The following FRMD4A variants were observed in gnomAD, a reference collection of about 807,000 sequenced individuals.
FRMD4A encodes the protein FERM domain-containing protein 4A.
Under a neutral mutation model 129.1 loss-of-function variants are expected in FRMD4A, and 29 were observed. That is an observed-to-expected ratio of 0.22 (90% CI 0.17 to 0.31). The LOEUF is 0.31. Ranked by LOEUF, FRMD4A falls within the 10% of genes least tolerant of loss-of-function variation. The pLI is 1.00. For synonymous variants in FRMD4A, 634 were observed against 571.6 expected (o/e 1.11, Z -1.56); for missense variants, 1,272 against 1,375.8 (o/e 0.92, Z 1.19).
chr10:13,881,252 T>TAA (rs3032918), intron 2 of FRMD4A, among the ~76,000 whole-genome samples: 25 of 120,300 alleles, frequency 2.1e-4, no homozygotes, highest in African/African-American at 7.0e-4. Context: ...CCCCCATCTC[T>TAA]AAAAAAAAAA....
At chr10:14,027,406 C>T (rs904430656) in intron 2 of FRMD4A, among the ~76,000 whole-genome samples, 6 of 152,100 alleles carry the variant, frequency 3.9e-5, no homozygotes, top group East Asian at 1.9e-4. Flanking sequence ...TTTGGGAGGC[C>T]GAGGCGGGTG....
chr10:14,146,727 A>T (rs1317055022), intron 2 of FRMD4A, among the ~76,000 whole-genome samples: 1 of 152,174 alleles, frequency 6.6e-6, no homozygotes, highest in East Asian at 1.9e-4. Flanking sequence ...CCTGTGCCAG[A>T]CTTTCTCCAA....
chr10:13,805,771 C>T (rs1377805508), intron 4 of FRMD4A, among the ~76,000 whole-genome samples: 1 of 152,066 alleles, frequency 6.6e-6, no homozygotes, highest in African/African-American at 2.4e-5. Flanking sequence ...TCACTGCAGT[C>T]TTGAACTCCT....
intron 8 of FRMD4A, among the ~76,000 whole-genome samples, chr10:13,750,765 G>A (rs1339480185): frequency 6.6e-6 from 1 of 152,180 alleles, no homozygotes; most frequent in African/African-American, 2.4e-5. Context: ...TTTGATCCAG[G>A]AGGCAGACAG....
chr10:13,923,174 C>T (rs111577045), intron 2 of FRMD4A, among the ~76,000 whole-genome samples: 2 of 152,302 alleles, frequency 1.3e-5, no homozygotes, highest in African/African-American at 4.8e-5. Context: ...ATTCAAAAAT[C>T]TCTGTCTCTT....
intron 2 of FRMD4A, among the ~76,000 whole-genome samples, chr10:14,021,126 G>T (rs1832725597): frequency 6.6e-6 from 1 of 152,086 alleles, no homozygotes; most frequent in Admixed American, 6.5e-5. Flanking sequence ...CATCTAGGAA[G>T]TGGTACCAAG....
chr10:14,168,502 G>A (rs1390130198), intron 2 of FRMD4A, among the ~76,000 whole-genome samples: 3 of 152,138 alleles, frequency 2.0e-5, no homozygotes, highest in African/African-American at 4.8e-5. Flanking sequence ...TGACCTCTTT[G>A]AGCACACTTG....
chr10:13,859,882 C>G (rs2094269773), intron 2 of FRMD4A, among the ~76,000 whole-genome samples: 1 of 152,134 alleles, frequency 6.6e-6, no homozygotes, highest in Admixed American at 6.5e-5. Flanking sequence ...CTGGGAGACC[C>G]AAGTCTAGTG....
intron 2 of FRMD4A, among the ~76,000 whole-genome samples, chr10:13,992,206 C>T (rs979942447): frequency 6.6e-6 from 1 of 152,238 alleles, no homozygotes; most frequent in African/African-American, 2.4e-5. Flanking sequence ...GCCTATAGCC[C>T]AGGCTATGCC....
chr10:14,245,967 C>T (rs1844221510), intron 2 of FRMD4A, among the ~76,000 whole-genome samples: 1 of 152,138 alleles, frequency 6.6e-6, no homozygotes, highest in Admixed American at 6.5e-5. Flanking sequence ...AAAGAGGACA[C>T]AGCAGCACAG....
At chr10:14,006,773 A>C (rs1343316815) in intron 2 of FRMD4A, among the ~76,000 whole-genome samples, 1 of 152,212 alleles carries the variant, frequency 6.6e-6, no homozygotes, top group African/African-American at 2.4e-5. Flanking sequence ...CAGCCTGATC[A>C]ATGTGTAAAT....
chr10:14,057,156 G>A (rs989430888), intron 2 of FRMD4A, among the ~76,000 whole-genome samples: 6 of 152,160 alleles, frequency 3.9e-5, no homozygotes, highest in African/African-American at 9.7e-5. Context: ...ATGGGTCAGC[G>A]GATGTTATGT....
intron 3 of FRMD4A, among the ~76,000 whole-genome samples, chr10:13,844,082 G>A (rs2094008472): frequency 6.6e-6 from 1 of 151,968 alleles, no homozygotes; most frequent in Admixed American, 6.6e-5. Flanking sequence ...ATGTAGGAGA[G>A]TGTGTGTGTG....
chr10:14,111,523 T>C (rs1837900928), intron 2 of FRMD4A, among the ~76,000 whole-genome samples: 1 of 152,156 alleles, frequency 6.6e-6, no homozygotes, highest in African/African-American at 2.4e-5. Flanking sequence ...TAGCTAAGCT[T>C]GCAGCACTAT....
chr10:14,113,831 T>C (rs1838057040), intron 2 of FRMD4A, among the ~76,000 whole-genome samples: 1 of 152,154 alleles, frequency 6.6e-6, no homozygotes, highest in Non-Finnish European at 1.5e-5. Context: ...CTCTTCTTTC[T>C]CCTCCTTCTC....
intron 15 of FRMD4A, among the ~76,000 whole-genome samples, chr10:13,681,330 T>A (rs2084563147): frequency 6.6e-6 from 1 of 152,146 alleles, no homozygotes; most frequent in Non-Finnish European, 1.5e-5. Flanking sequence ...ATTTGTAAAC[T>A]CAAAAGCTAA....
At chr10:13,738,141 G>A (rs1013680393) in intron 11 of FRMD4A, among the ~76,000 whole-genome samples, 1 of 152,138 alleles carries the variant, frequency 6.6e-6, no homozygotes, top group African/African-American at 2.4e-5. Context: ...AGTGCCGGGG[G>A]CTGGGGGCCT....
chr10:14,067,791 T>C, intron 2 of FRMD4A, among the ~76,000 whole-genome samples: 1 of 152,186 alleles, frequency 6.6e-6, no homozygotes, highest in Non-Finnish European at 1.5e-5. Flanking sequence ...CACTCCAGCC[T>C]GGGTAACAGA....
chr10:13,975,377 C>T (rs1173277439), intron 2 of FRMD4A, among the ~76,000 whole-genome samples: 1 of 151,010 alleles, frequency 6.6e-6, no homozygotes, highest in Admixed American at 6.6e-5. Context: ...TGTGTGTCTA[C>T]TGCATATGTC....
Sources: allele counts gnomAD v4.1 joint callset (sites outside exome capture counted in the v4.1 genomes callset), GRCh38; gene constraint gnomAD v4.1.1; transcripts MANE v1.5; gene names NCBI Gene and HGNC (gene_info 2026-07-23, HGNC 2026-07-21).